TOPAZ1: variants seen among roughly 807,000 people sequenced by gnomAD.
The protein encoded by TOPAZ1 is protein TOPAZ1.
In TOPAZ1, 66 loss-of-function variants were observed where a neutral mutation model predicts 172.2. That is an observed-to-expected ratio of 0.38 (90% confidence interval 0.31 to 0.47). The LOEUF is 0.47. Among genes scored for constraint, TOPAZ1 ranks in the 20% least tolerant of loss-of-function variants. The probability of loss-of-function intolerance (pLI) is 0.99; values close to 1 mark genes in which losing one functional copy is unlikely to be tolerated. For missense variants in TOPAZ1, 1,822 were observed against 1,972.4 expected (o/e 0.92, Z 1.44); for synonymous variants, 681 against 683.9 (o/e 1.00, Z 0.07).
chr3:44,281,159 C>A (rs1263470661), intron 8 of TOPAZ1, among the ~76,000 whole-genome samples: 3 of 152,166 alleles, frequency 2.0e-5, no homozygotes, highest in African/African-American at 4.8e-5. Context: ...TAGGTTTTAA[C>A]CCTGATGAGA....
In TOPAZ1 at chr3:44,296,891, G is replaced by A. The variant is rs1423788239; in HGVS notation, c.3797+6005G>A. On this transcript the variant is annotated intron_variant, in intron 12 of 19. Transcript: ENST00000309765. Reference sequence around the variant, plus strand: ...AAAAAAAAAAGAAAAGCAAATTACGGCCGGGCATGGTGGCTCACACCTGTA... The same window carrying A: ...AAAAAAAAAAGAAAAGCAAATTACGACCGGGCATGGTGGCTCACACCTGTA... 3.6e-5 allele frequency among the ~76,000 whole-genome samples: 5 copies of A among 137,202 alleles called. No homozygotes were observed. In the East Asian group the frequency reaches 1.0e-3, roughly 28 times the overall value. 90.0% of individuals were successfully genotyped at this position (137,202 alleles called of 152,430 possible).
At chr3:44,291,289 G>C (rs1700134580) in intron 12 of TOPAZ1, among the ~76,000 whole-genome samples, 1 of 149,814 alleles carries the variant, frequency 6.7e-6, no homozygotes, top group Non-Finnish European at 1.5e-5. Flanking sequence ...TATTCAGCTT[G>C]TGGGCCTCCA....
intron 15 of TOPAZ1, 113 bp downstream of exon 15, chr3:44,306,539 T>A: frequency 1.8e-6 from 1 of 570,018 alleles, no homozygotes; most frequent in Non-Finnish European, 3.1e-6. Context: ...TCATTACAAT[T>A]GATAAAGTGG....
intron 9 of TOPAZ1, among the ~76,000 whole-genome samples, chr3:44,287,088 T>G (rs1043797617): frequency 6.6e-6 from 1 of 152,218 alleles, no homozygotes; most frequent in Non-Finnish European, 1.5e-5. Flanking sequence ...GCCTGGGAGC[T>G]TGACTCTGTA....
chr3:44,309,569 C>T (rs1242820374), intron 15 of TOPAZ1, among the ~76,000 whole-genome samples: 1 of 152,128 alleles, frequency 6.6e-6, no homozygotes, highest in Non-Finnish European at 1.5e-5. Context: ...AAAAAGAAGG[C>T]TTCTGATAAA....
chr3:44,244,069 G>A lies in TOPAZ1; in HGVS notation c.1563G>A (p.Gly521=). The part of the protein sequence containing the change: ...SLPESSYFLR[G]SQESCRQVDV... ...CAGAATCAAGTTACTTTCTTCGTGG[G>A]TCTCAGGAAAGTTGTAGGCAAGTTG... The change falls in exon 2 of 20, where the codon GGG becomes GGA. Residue 521 remains glycine (G), a synonymous_variant. Coordinates refer to ENST00000309765, the MANE Select transcript of TOPAZ1 (RefSeq NM_001145030.2). The A allele has an allele frequency of 6.4e-7, 1 of 1,551,692 alleles. No homozygotes were observed. The highest frequency in any genetic ancestry group is 8.7e-7 in the Non-Finnish European group (1 of 1,146,970).
At chr3:44,332,432 TAAAAC>T (rs1559551979), downstream of TOPAZ1, among the ~76,000 whole-genome samples, 1 of 152,110 alleles carries the variant, frequency 6.6e-6, no homozygotes, top group Non-Finnish European at 1.5e-5. Context: ...TCGAGAATAA[TAAAAC>T]AATATTGAAA....
At position 44,244,607 on chromosome 3, in the gene TOPAZ1, G is replaced by T; in HGVS notation, c.2101G>T (p.Glu701Ter). Residue 701 changes from glutamate (E) to a stop codon, truncating the protein, a stop_gained, in exon 2 of 20, where the codon GAA becomes TAA. Transcript: ENST00000309765. LOFTEE classifies it high-confidence loss of function. ...LLKNKSEKRKEVNAKSSEREA... is the reference protein window; with the variant it reads ...LLKNKSEKRK ...TAAGAATAAATCAGAAAAAAGAAAA[G>T]AAGTAAATGCCAAGTCATCAGAGAG... is the stretch of plus-strand genomic sequence containing the variant. 1 of 1,550,756 alleles carries T rather than the reference G, an allele frequency of 6.4e-7. No individual in the cohort carries two copies. The highest frequency in any genetic ancestry group is 8.7e-7 in the Non-Finnish European group (1 of 1,146,784).
downstream of TOPAZ1, among the ~76,000 whole-genome samples, chr3:44,332,543 T>G (rs576093172): frequency 6.6e-6 from 1 of 152,226 alleles, no homozygotes; most frequent in East Asian, 1.9e-4. Context: ...GAATACTAGA[T>G]GAGTTTTGAA....
Position 44,244,016 on chromosome 3 carries a change from G to C in TOPAZ1, c.1510G>C (p.Ala504Pro). The C allele has an allele frequency of 6.4e-7, 1 of 1,552,062 alleles. No homozygotes were observed. The highest frequency in any genetic ancestry group is 8.7e-7 in the Non-Finnish European group (1 of 1,147,062). Residue 504 changes from alanine (A) to proline (P), a missense_variant, in exon 2 of 20, where the codon GCC becomes CCC. By Grantham distance (27) the Ala-to-Pro change is conservative. Around this residue, in one of 2 missense-constraint regions of TOPAZ1, gnomAD observed 1,489 missense variants for 1,490.8 expected, o/e 1.00. Transcript: ENST00000309765. ...CTATTATTCATGTGCTAGAATATCTGCCTGGTGTTGGAAAAAGGCTTCCTT... is the reference window on the plus strand; with the variant it reads ...CTATTATTCATGTGCTAGAATATCTCCCTGGTGTTGGAAAAAGGCTTCCTT... ...WPYYSCARIS[A>P]WCWKKASLPE...
intron 9 of TOPAZ1, among the ~76,000 whole-genome samples, chr3:44,282,451 A>G (rs183799306): frequency 6.6e-6 from 1 of 152,288 alleles, no homozygotes; most frequent in East Asian, 1.9e-4. Context: ...GCTGTGTTCA[A>G]ACTTCAAGGC....
chr3:44,244,989 C>G lies in TOPAZ1; in HGVS notation c.2483C>G (p.Thr828Arg). ...TCCTTCTGCTGTAATGAACAAGAAA[C>G]ATTCCGACCAGTGTCCAGTGAAGTT... Reference protein sequence around the residue: ...SPSFCCNEQETFRPVSSEVRG... With the variant: ...SPSFCCNEQERFRPVSSEVRG... The change falls in exon 2 of 20, where the codon ACA (threonine) becomes AGA (arginine). Residue 828 changes from threonine to arginine, a missense_variant. This residue lies in a region of TOPAZ1 where 1,489 missense variants were observed against 1,490.8 expected (regional missense o/e 1.00). Coordinates refer to ENST00000309765, the MANE Select transcript of TOPAZ1 (RefSeq NM_001145030.2). 6.4e-7 allele frequency: 1 copy of G among 1,551,676 alleles called. No homozygotes were observed. Among genetic ancestry groups the G allele is most frequent in the African/African-American group, 1.4e-5 (1 of 73,160 alleles).
At chr3:44,247,317 T>C (rs1348746747) in intron 2 of TOPAZ1, among the ~76,000 whole-genome samples, 4 of 152,236 alleles carry the variant, frequency 2.6e-5, no homozygotes, top group African/African-American at 7.2e-5. Context: ...TATATTTCTT[T>C]ACCACAAGAA....
At chr3:44,304,396 A>G (rs190485427) in intron 13 of TOPAZ1, among the ~76,000 whole-genome samples, 32 of 152,362 alleles carry the variant, frequency 2.1e-4, no homozygotes, top group African/African-American at 7.5e-4. Flanking sequence ...CGCTCAGTGC[A>G]TAAGAAAGCT....
intron 5 of TOPAZ1, among the ~76,000 whole-genome samples, chr3:44,266,426 A>G (rs774854128): frequency 2.6e-5 from 4 of 152,230 alleles, no homozygotes; most frequent in Non-Finnish European, 5.9e-5. Flanking sequence ...TTATCCGTCA[A>G]CATGCCTTCC....
Position 44,243,484 on chromosome 3 carries a change from T to C in TOPAZ1, c.978T>C (p.Val326=). Residue 326 remains valine, a synonymous_variant, in exon 2 of 20, where the codon GTT becomes GTC. Coordinates refer to ENST00000309765, the MANE Select transcript of TOPAZ1 (RefSeq NM_001145030.2). Reference sequence around the variant, plus strand: ...AATATTCAATAGAGGAGAGCAGTGTTGGGCGAAAACCCAGGAAAAGGATGA... The same window carrying C: ...AATATTCAATAGAGGAGAGCAGTGTCGGGCGAAAACCCAGGAAAAGGATGA... The part of the protein sequence containing the change: ...KNKYSIEESS[V]GRKPRKRMKL... The C allele has an allele frequency of 6.4e-7, 1 of 1,551,776 alleles. No homozygotes were observed. The highest frequency in any genetic ancestry group is 1.4e-5 in the African/African-American group (1 of 73,174).
At chr3:44,293,409 C>T (rs1012714877) in intron 12 of TOPAZ1, among the ~76,000 whole-genome samples, 1 of 152,104 alleles carries the variant, frequency 6.6e-6, no homozygotes. Flanking sequence ...GTGATTGACC[C>T]ATAGACCTTC....
intron 12 of TOPAZ1, among the ~76,000 whole-genome samples, chr3:44,298,439 CAGAT>C (rs750539588): frequency 2.0e-5 from 3 of 152,068 alleles, no homozygotes; most frequent in Non-Finnish European, 4.4e-5. Flanking sequence ...GCCTGGGTGA[CAGAT>C]AGAGACCCTG....
At position 44,262,420 on chromosome 3, in the gene TOPAZ1, A is replaced by G. The variant is rs1473369109; in HGVS notation, c.2957A>G (p.His986Arg). 6.8e-7 allele frequency: 1 copy of G among 1,476,066 alleles called. No individual in the cohort carries two copies. Among genetic ancestry groups the G allele is most frequent in the Non-Finnish European group, 9.2e-7 (1 of 1,083,690 alleles). 91.4% of individuals were successfully genotyped at this position (1,476,066 alleles called of 1,614,324 possible). Residue 986 changes from histidine (H) to arginine (R), a missense_variant and splice_region_variant, in exon 5 of 20, where the codon CAT becomes CGT. By Grantham distance (29) the His-to-Arg change is conservative (BLOSUM62 0). This residue lies in a region of TOPAZ1 where 1,489 missense variants were observed against 1,490.8 expected (regional missense o/e 1.00). Transcript: ENST00000309765. ...QIKGSDLDEK[H>R]RFTDKVITKE... ...TATTTAACCATAATCTCTTCACAGC[A>G]TAGATTTACAGACAAAGTGATTACC...
Sources: gnomAD v4.1 joint callset for allele counts (sites outside exome capture counted in the v4.1 genomes callset) on GRCh38, gnomAD v4.1.1 for gene constraint, gnomAD v4.1.1 regional missense constraint, MANE v1.5 for transcripts, NCBI Gene and HGNC (gene_info 2026-07-23, HGNC 2026-07-21) for gene names.